IL1RAPL1: variants seen among roughly 807,000 people sequenced by gnomAD.
IL1RAPL1 encodes the protein interleukin 1 receptor accessory protein like 1, also known as interleukin-1 receptor accessory protein-like 1.
IL1RAPL1 carries 3 observed loss-of-function variants against 48.4 expected under a neutral mutation model. That is an observed-to-expected ratio of 0.06 (90% CI 0.03 to 0.16). The LOEUF is 0.16. Among genes scored for constraint, IL1RAPL1 ranks in the 10% least tolerant of loss-of-function variants. The pLI is 1.00. For synonymous variants in IL1RAPL1, 185 were observed against 187.7 expected (o/e 0.99, Z 0.12); for missense variants, 349 against 530.6 (o/e 0.66, Z 3.36).
chrX:28,960,604 C>T (rs1346903121), intron 2 of IL1RAPL1, among the ~76,000 whole-genome samples: 1 of 111,991 alleles, frequency 8.9e-6, no homozygotes. Flanking sequence ...ACTTCTCCAT[C>T]CTTATATTGA....
intron 2 of IL1RAPL1, among the ~76,000 whole-genome samples, chrX:29,113,249 C>T (rs1269302015): frequency 8.9e-6 from 1 of 112,163 alleles, no homozygotes; most frequent in East Asian, 2.8e-4. Flanking sequence ...AAAGCAGCTT[C>T]TCAGAAGCAT....
At chrX:29,849,382 G>A (rs903130910) in intron 6 of IL1RAPL1, among the ~76,000 whole-genome samples, 1 of 111,271 alleles carries the variant, frequency 9.0e-6, no homozygotes, top group Non-Finnish European at 1.9e-5. Flanking sequence ...TTTAGGTGCT[G>A]GGATACCTGG....
chrX:29,506,230 G>A (rs150478346), intron 5 of IL1RAPL1, among the ~76,000 whole-genome samples: 1,423 of 111,656 alleles, frequency 0.013, 25 homozygotes, highest in African/African-American at 0.043. Context: ...CATTAAGGTC[G>A]GTTACTGGTT....
At chrX:29,741,963 C>CCCATGTCT (rs1401607098) in intron 6 of IL1RAPL1, among the ~76,000 whole-genome samples, 232 of 107,444 alleles carry the variant, frequency 2.2e-3, no homozygotes, top group African/African-American at 7.6e-3. Flanking sequence ...AAAGAAAAGC[C>CCCATGTCT]CCATGTCTTT....
chrX:28,734,130 C>T (rs1353341826), intron 1 of IL1RAPL1, among the ~76,000 whole-genome samples: 1 of 111,473 alleles, frequency 9.0e-6, no homozygotes, highest in Non-Finnish European at 1.9e-5. Flanking sequence ...TACAACCCTA[C>T]TTTAAGTCAC....
chrX:28,948,083 C>G (rs945138436), intron 2 of IL1RAPL1, among the ~76,000 whole-genome samples: 1 of 111,112 alleles, frequency 9.0e-6, no homozygotes, highest in Non-Finnish European at 1.9e-5. Flanking sequence ...AAAGACTGTT[C>G]TACAGAAGAA....
In IL1RAPL1 at chrX:29,588,909, A is replaced by G. The variant is rs1212919276; in HGVS notation, c.704-79521A>G. Among the ~76,000 whole-genome samples the G allele has an allele frequency of 3.6e-5, 4 of 112,002 alleles. No individual in the cohort carries two copies. In the East Asian group the frequency reaches 1.1e-3, roughly 32 times the overall value. On this transcript the variant is annotated intron_variant, in intron 5 of 10. Coordinates refer to ENST00000378993, the MANE Select transcript of IL1RAPL1 (RefSeq NM_014271.4). ...TGATCATTTAGGCTACTTGGGTTCT[A>G]TGTTATTTGGAGCAAGCCGTGCTCC...
chrX:29,032,743 G>GCACACACACACACACACA (rs34159057), intron 2 of IL1RAPL1, among the ~76,000 whole-genome samples: 4 of 105,623 alleles, frequency 3.8e-5, no homozygotes, highest in Non-Finnish European at 7.8e-5. Flanking sequence ...ACGTGGGCAT[G>GCACACACACACACACACA]CACACACACA....
At chrX:29,092,770 G>A (rs760469082) in intron 2 of IL1RAPL1, among the ~76,000 whole-genome samples, 1 of 111,944 alleles carries the variant, frequency 8.9e-6, no homozygotes, top group Non-Finnish European at 1.9e-5. Flanking sequence ...TGGTTAACAG[G>A]AAGTTTCTAT....
At chrX:29,800,000 G>A (rs993943872) in intron 6 of IL1RAPL1, among the ~76,000 whole-genome samples, 11 of 111,666 alleles carry the variant, frequency 9.9e-5, no homozygotes, top group African/African-American at 3.6e-4. Flanking sequence ...TAAATGTTTT[G>A]TAGGCCGTAT....
intron 6 of IL1RAPL1, among the ~76,000 whole-genome samples, chrX:29,781,753 T>G (rs1929341783): frequency 8.9e-6 from 1 of 111,772 alleles, no homozygotes; most frequent in African/African-American, 3.3e-5. Context: ...TTTCTTGTTC[T>G]GTGTCAATTG....
intron 2 of IL1RAPL1, among the ~76,000 whole-genome samples, chrX:29,076,674 C>T (rs1927677679): frequency 9.0e-6 from 1 of 110,779 alleles, no homozygotes; most frequent in Non-Finnish European, 1.9e-5. Flanking sequence ...ATTCACATAC[C>T]ATAGGTCATA....
chrX:29,289,257 G>A (rs764410794), intron 3 of IL1RAPL1, among the ~76,000 whole-genome samples: 2 of 111,947 alleles, frequency 1.8e-5, no homozygotes, highest in South Asian at 7.4e-4. Flanking sequence ...TTTATTTCAG[G>A]ACTGATGTTT....
chrX:29,507,017 C>G (rs935829832), intron 5 of IL1RAPL1, among the ~76,000 whole-genome samples: 1 of 109,607 alleles, frequency 9.1e-6, no homozygotes, highest in Non-Finnish European at 1.9e-5. Flanking sequence ...AAGACTGATT[C>G]TCTTATTCTC....
At chrX:28,599,668 G>C (rs749050529) in intron 1 of IL1RAPL1, among the ~76,000 whole-genome samples, 9 of 111,866 alleles carry the variant, frequency 8.0e-5, no homozygotes. Flanking sequence ...CCTATCTGTT[G>C]TAAGAATGGT....
chrX:29,713,008 A>C lies in IL1RAPL1; in HGVS notation c.778+44504A>C, dbSNP rs183826147. 2.3e-4 allele frequency among the ~76,000 whole-genome samples: 26 copies of C among 112,064 alleles called. 1 individual carries two copies. In the East Asian group the frequency reaches 6.4e-3, roughly 28 times the overall value. The stretch of plus-strand genomic sequence containing the variant: ...TCAAACAAATTTTTTTAGCCAATTA[A>C]ATTATCTAAATTTGGTAAAGTCTCA... On this transcript the variant is annotated intron_variant, in intron 6 of 10. Transcript: ENST00000378993.
chrX:29,878,045 C>G (rs749806623), intron 6 of IL1RAPL1, among the ~76,000 whole-genome samples: 1 of 111,820 alleles, frequency 8.9e-6, no homozygotes, highest in East Asian at 2.8e-4. Context: ...TAATACTTAC[C>G]TGTTTCATTA....
chrX:28,936,761 G>A (rs1924026260), intron 2 of IL1RAPL1, among the ~76,000 whole-genome samples: 1 of 110,370 alleles, frequency 9.1e-6, no homozygotes, highest in Middle Eastern at 4.7e-3. Flanking sequence ...AAAGTTTTGT[G>A]TCACTTGAGT....
At chrX:29,697,192 A>G (rs1454934363) in intron 6 of IL1RAPL1, among the ~76,000 whole-genome samples, 1 of 112,025 alleles carries the variant, frequency 8.9e-6, no homozygotes, top group Non-Finnish European at 1.9e-5. Flanking sequence ...GCAAGTCACA[A>G]TGGTAAAATG....
Sources: allele counts gnomAD v4.1 joint callset (sites outside exome capture counted in the v4.1 genomes callset), GRCh38; gene constraint gnomAD v4.1.1; transcripts MANE v1.5; gene names NCBI Gene and HGNC (gene_info 2026-07-23, HGNC 2026-07-21).